GNAL: variants seen among roughly 807,000 people sequenced by gnomAD.
The protein encoded by GNAL is guanine nucleotide-binding protein G(olf) subunit alpha.
A neutral mutation model predicts 55.1 loss-of-function variants in GNAL; 18 were observed. The observed-to-expected ratio is 0.33, with a 90% CI of 0.23 to 0.48. GNAL has a LOEUF of 0.48. Among genes scored for constraint, GNAL ranks in the 20% least tolerant of loss-of-function variants. The probability of loss-of-function intolerance (pLI) is 0.99; values close to 1 mark genes in which losing one functional copy is unlikely to be tolerated. For synonymous variants in GNAL, 253 were observed against 237.0 expected, an observed-to-expected ratio of 1.07 and a Z score of -0.62; for missense variants, 412 against 614.1, an observed-to-expected ratio of 0.67 and a Z score of 3.48.
intron 4 of GNAL, among the ~76,000 whole-genome samples, chr18:11,806,731 C>CT (rs33956319): frequency 0.13 from 18,288 of 139,698 alleles, 1,981 homozygotes; most frequent in African/African-American, 0.31. Flanking sequence ...GTGAAGTACT[C>CT]TTTTTTTTTT....
At chr18:11,801,365 G>A (rs111264239) in intron 4 of GNAL, among the ~76,000 whole-genome samples, 13,062 of 152,116 alleles carry the variant, frequency 0.086, 1,005 homozygotes, top group African/African-American at 0.2. Flanking sequence ...AGCCTCGCCA[G>A]CATGGTGAAA....
At chr18:11,877,448 C>G (rs139282267) in intron 11 of GNAL, among the ~76,000 whole-genome samples, 3 of 151,836 alleles carry the variant, frequency 2.0e-5, no homozygotes, top group Admixed American at 6.6e-5. Flanking sequence ...GAGCGAGACT[C>G]TGTCTCAAAC....
chr18:11,717,163 G>C (rs1233411439), intron 1 of GNAL, among the ~76,000 whole-genome samples: 2 of 152,254 alleles, frequency 1.3e-5, no homozygotes, highest in East Asian at 3.9e-4. Flanking sequence ...GCCCCTCACT[G>C]TCTGGGGCCG....
At chr18:11,828,928 C>A (rs2035314854) in intron 5 of GNAL, among the ~76,000 whole-genome samples, 1 of 152,162 alleles carries the variant, frequency 6.6e-6, no homozygotes, top group African/African-American at 2.4e-5. Flanking sequence ...AAAATAGTGC[C>A]TGGCACTTAG....
At chr18:11,851,772 G>C in intron 5 of GNAL, 4 of 1,614,018 alleles carry the variant, frequency 2.5e-6, no homozygotes, top group Non-Finnish European at 3.4e-6. Flanking sequence ...CGATGGGCAA[G>C]GTGACCAAGT....
intron 4 of GNAL, among the ~76,000 whole-genome samples, chr18:11,796,268 A>C (rs116989726): frequency 6.6e-6 from 1 of 152,278 alleles, no homozygotes; most frequent in South Asian, 2.1e-4. Flanking sequence ...TGAAAAGTGC[A>C]ACAAAGGAAG....
Position 11,751,740 on chromosome 18 carries a change from G to C in GNAL, c.377-1113G>C. On this transcript the variant is annotated intron_variant, in intron 1 of 11. Transcript: ENST00000334049. This position sits in a 1 kb window ranked among gnomAD's most constrained non-coding sequence, Gnocchi z 4.5. ...CCCAGCCGGCCGGGCTCCGTGGGGG[G>C]TCAGCTCCCTGACCCCTACAGCGCG... The C allele has an allele frequency of 1.2e-6, 1 of 819,672 alleles. No homozygotes were observed. Among genetic ancestry groups the C allele is most frequent in the Non-Finnish European group, 1.5e-6 (1 of 678,314 alleles). The allele number at this position is 819,672 out of a possible 1,614,324, so 50.8% of individuals were successfully genotyped here.
chr18:11,851,268 C>T, intron 5 of GNAL: 2 of 476,992 alleles, frequency 4.2e-6, no homozygotes, highest in South Asian at 3.7e-5. Flanking sequence ...GAGCGTCCAG[C>T]CAGAATCCCC....
At chr18:11,706,495 A>G (rs1416156939) in intron 1 of GNAL, among the ~76,000 whole-genome samples, 2 of 152,210 alleles carry the variant, frequency 1.3e-5, no homozygotes, top group East Asian at 1.9e-4. Flanking sequence ...TAAGACAGCA[A>G]TGAAGTTGAT....
chr18:11,813,032 G>C (rs1349561516), intron 4 of GNAL, among the ~76,000 whole-genome samples: 1 of 151,940 alleles, frequency 6.6e-6, no homozygotes, highest in Non-Finnish European at 1.5e-5. Context: ...AAGGCAGGCA[G>C]ATCACGAGGT....
chr18:11,766,916 G>A (rs1343086739), intron 4 of GNAL, among the ~76,000 whole-genome samples: 1 of 152,174 alleles, frequency 6.6e-6, no homozygotes, highest in Admixed American at 6.5e-5. Context: ...AACCTGGGAT[G>A]GCATTTGGTA....
chr18:11,861,451 G>A (rs1416306114), intron 5 of GNAL, among the ~76,000 whole-genome samples: 3 of 152,218 alleles, frequency 2.0e-5, no homozygotes, highest in African/African-American at 7.2e-5. Context: ...CATATTTACT[G>A]GGGCCAGGCC....
intron 4 of GNAL, among the ~76,000 whole-genome samples, chr18:11,794,856 T>C (rs1256073411): frequency 6.6e-6 from 1 of 151,894 alleles, no homozygotes; most frequent in Non-Finnish European, 1.5e-5. Flanking sequence ...TTGTTTGTTG[T>C]TTTTGAGACA....
intron 1 of GNAL, among the ~76,000 whole-genome samples, chr18:11,713,439 A>G (rs2031883152): frequency 6.6e-6 from 1 of 152,224 alleles, no homozygotes; most frequent in Non-Finnish European, 1.5e-5. Context: ...GCAAAAATTA[A>G]GCAAGTTGAT....
intron 4 of GNAL, among the ~76,000 whole-genome samples, chr18:11,765,558 A>AC (rs2033378732): frequency 6.6e-6 from 1 of 151,854 alleles, no homozygotes; most frequent in Admixed American, 6.6e-5. Context: ...TTCTCTCTTC[A>AC]CCCACCTCCC....
In GNAL at chr18:11,752,988, A is replaced by G; in HGVS notation, c.449+63A>G. The G allele has an allele frequency of 6.4e-6, 6 of 939,744 alleles. No homozygotes were observed. In the South Asian group the frequency reaches 7.0e-5, roughly 11 times the overall value. The allele number at this position is 939,744 out of a possible 1,614,324, so 58.2% of individuals were successfully genotyped here. A position where few individuals can be genotyped will look rare whatever the true frequency, so the allele number is the denominator to read the frequency against. On this transcript the variant is annotated intron_variant, in intron 2 of 11. Transcript: ENST00000334049. The surrounding 1 kb of genome is among the most constrained non-coding windows in gnomAD (Gnocchi z 4.5). Reference sequence around the variant, plus strand: ...CTTCGTCTCTCTCCCAGACGTCCCAAAAGTGCTTTCTCTAAACAATTTTAA... The same window carrying G: ...CTTCGTCTCTCTCCCAGACGTCCCAGAAGTGCTTTCTCTAAACAATTTTAA...
At chr18:11,876,797 C>T (rs1055345490) in intron 11 of GNAL, 109 bp downstream of exon 11, 16 of 744,456 alleles carry the variant, frequency 2.1e-5, no homozygotes, top group South Asian at 4.4e-5. Context: ...CTTAACATTA[C>T]GAGCGATGAC....
chr18:11,838,504 A>G (rs966675185), intron 5 of GNAL, among the ~76,000 whole-genome samples: 1 of 152,204 alleles, frequency 6.6e-6, no homozygotes, highest in Non-Finnish European at 1.5e-5. Flanking sequence ...ATATACAACA[A>G]AAAAGTCATT....
intron 4 of GNAL, among the ~76,000 whole-genome samples, chr18:11,795,985 T>C (rs2034368024): frequency 6.6e-6 from 1 of 152,168 alleles, no homozygotes; most frequent in Non-Finnish European, 1.5e-5. Flanking sequence ...CTCCCAGGAA[T>C]GGAGGACCCA....
Sources: allele counts gnomAD v4.1 joint callset (sites outside exome capture counted in the v4.1 genomes callset), GRCh38; gene constraint gnomAD v4.1.1; non-coding constraint Gnocchi (gnomAD v3.1); transcripts MANE v1.5; gene names NCBI Gene and HGNC (gene_info 2026-07-23, HGNC 2026-07-21).